Variants in COL21A1 observed in about 807,000 individuals in gnomAD.
COL21A1 encodes collagen type XXI alpha 1 chain, also known as collagen alpha-1(XXI) chain.
A neutral mutation model predicts 137.9 loss-of-function variants in COL21A1; 149 were observed. The ratio of observed to expected loss-of-function variants is 1.08; its 90% CI spans 0.95 to 1.24. The LOEUF is 1.24. Among genes scored for constraint, COL21A1 ranks in the 50% most tolerant of loss-of-function variants. COL21A1 has a pLI of 0.00. For synonymous variants in COL21A1, 456 were observed against 391.5 expected (o/e 1.16, Z -1.95); for missense variants, 1,167 against 1,158.4 (o/e 1.01, Z -0.11).
rs755365741 is a variant in COL21A1 at position 56,196,121 on chromosome 6, G to A, written c.-38-13465C>T. 2.6e-5 allele frequency among the ~76,000 whole-genome samples: 4 copies of A among 152,116 alleles called. No homozygotes were observed. In the South Asian group the frequency reaches 6.2e-4, roughly 24 times the overall value. ...TTAAAAACAAAGAATAAAATTATAC[G>A]ATCATCTAAATACATACCAAAACAA... On this transcript the variant is annotated intron_variant, in intron 1 of 29. Transcript: ENST00000244728.
At chr6:56,090,024 G>A (rs907003532) in intron 17 of COL21A1, among the ~76,000 whole-genome samples, 1 of 152,152 alleles carries the variant, frequency 6.6e-6, no homozygotes, top group African/African-American at 2.4e-5. Context: ...GGCGGATCAT[G>A]ATGTCAAGAG....
At chr6:56,276,146 C>G (rs574332255) in intron 1 of COL21A1, among the ~76,000 whole-genome samples, 2 of 152,158 alleles carry the variant, frequency 1.3e-5, no homozygotes, top group East Asian at 1.9e-4. Flanking sequence ...CATGTTCTCA[C>G]GTATAAGTGG....
chr6:56,118,756 G>C (rs969120495), intron 16 of COL21A1, among the ~76,000 whole-genome samples: 3 of 151,706 alleles, frequency 2.0e-5, no homozygotes, highest in Admixed American at 2.0e-4. Flanking sequence ...TTCATCGCTG[G>C]GATAAAAGAA....
chr6:56,392,458 A>T (rs902047748), intron 1 of COL21A1, among the ~76,000 whole-genome samples: 1 of 152,176 alleles, frequency 6.6e-6, no homozygotes, highest in East Asian at 1.9e-4. Context: ...CATTTTCACT[A>T]CTGTTTTTTC....
chr6:56,273,491 A>C (rs1449087154), intron 1 of COL21A1, among the ~76,000 whole-genome samples: 3 of 152,214 alleles, frequency 2.0e-5, no homozygotes, highest in Admixed American at 2.0e-4. Context: ...TACATCAACA[A>C]AGAAAACAGA....
chr6:56,150,140 T>G (rs1775177998), intron 10 of COL21A1, among the ~76,000 whole-genome samples: 1 of 152,162 alleles, frequency 6.6e-6, no homozygotes, highest in South Asian at 2.1e-4. Flanking sequence ...GACCTCATAT[T>G]AAACCTCATA....
intron 3 of COL21A1, among the ~76,000 whole-genome samples, chr6:56,174,607 G>C (rs1298016058): frequency 6.6e-6 from 1 of 151,852 alleles, no homozygotes; most frequent in Admixed American, 6.6e-5. Context: ...ACTGAAACAT[G>C]AATAAATAGA....
intron 1 of COL21A1, among the ~76,000 whole-genome samples, chr6:56,297,257 G>T (rs534180156): frequency 6.6e-6 from 1 of 152,044 alleles, no homozygotes; most frequent in Non-Finnish European, 1.5e-5. Context: ...GTGAAAACTG[G>T]TTTCTATATT....
At chr6:56,180,519 C>G (rs1777816004) in intron 2 of COL21A1, among the ~76,000 whole-genome samples, 1 of 152,094 alleles carries the variant, frequency 6.6e-6, no homozygotes. Context: ...TACTAACAAT[C>G]TATGGTTAAA....
chr6:56,302,653 C>T (rs1398435105), intron 1 of COL21A1, among the ~76,000 whole-genome samples: 3 of 152,062 alleles, frequency 2.0e-5, no homozygotes, highest in African/African-American at 7.2e-5. Context: ...GAGTAGGTTG[C>T]AAAAATTTTC....
intron 1 of COL21A1, among the ~76,000 whole-genome samples, chr6:56,276,149 A>G (rs865817220): frequency 1.2e-4 from 19 of 152,218 alleles, no homozygotes; most frequent in African/African-American, 3.9e-4. Flanking sequence ...GTTCTCACGT[A>G]TAAGTGGGAG....
chr6:56,306,648 G>A (rs892025603), intron 1 of COL21A1, among the ~76,000 whole-genome samples: 1 of 151,938 alleles, frequency 6.6e-6, no homozygotes, highest in Non-Finnish European at 1.5e-5. Flanking sequence ...TTTTTTCAAG[G>A]TTTTTAACTT....
Position 56,124,269 on chromosome 6 carries a change from A to G in COL21A1, c.1674T>C (p.Asn558=), listed in dbSNP as rs1394825097. 1 of 1,604,688 alleles carries G rather than the reference A, an allele frequency of 6.2e-7. No homozygotes were observed. Among genetic ancestry groups the G allele is most frequent in the African/African-American group, 1.3e-5 (1 of 74,816 alleles). Residue 558 remains asparagine (N), a synonymous_variant, in exon 15 of 30, where the codon AAT becomes AAC. Transcript: ENST00000244728. ...GKKGAKGEKG[N]AGFPGLPGPA... is the part of the protein sequence containing the mutation. ...GTCCAGGGAGGCCAGGGAAGCCAGC[A>G]TTCCCCTTTTCACCTTTTGCACCCT...
chr6:56,187,240 A>T (rs1161926293), intron 1 of COL21A1, among the ~76,000 whole-genome samples: 2 of 152,054 alleles, frequency 1.3e-5, no homozygotes, highest in Non-Finnish European at 2.9e-5. Flanking sequence ...TTATAACAGA[A>T]CTACTTTCCT....
At chr6:56,136,241 T>C (rs1276309842) in intron 12 of COL21A1, among the ~76,000 whole-genome samples, 2 of 152,192 alleles carry the variant, frequency 1.3e-5, no homozygotes, top group African/African-American at 4.8e-5. Context: ...AAATATGTAG[T>C]TTGAGGAGCA....
chr6:56,337,281 T>G (rs747806804), intron 1 of COL21A1, among the ~76,000 whole-genome samples: 32 of 152,306 alleles, frequency 2.1e-4, no homozygotes, highest in Non-Finnish European at 3.7e-4. Flanking sequence ...CAACAGCAAC[T>G]TCTACCATTT....
intron 9 of COL21A1, among the ~76,000 whole-genome samples, chr6:56,163,362 G>C (rs1018032443): frequency 6.6e-6 from 1 of 152,160 alleles, no homozygotes; most frequent in Non-Finnish European, 1.5e-5. Context: ...ACACTTCTTA[G>C]TGTCTTACTT....
At chr6:56,234,366 A>G (rs1272203034) in intron 1 of COL21A1, among the ~76,000 whole-genome samples, 3 of 151,852 alleles carry the variant, frequency 2.0e-5, no homozygotes, top group Non-Finnish European at 4.4e-5. Flanking sequence ...CAAAAGTATT[A>G]AACAGGATCA....
At position 56,157,380 on chromosome 6, in the gene COL21A1, G is replaced by A. The variant is rs533188168; in HGVS notation, c.1372-431C>T. Reference sequence around the variant, plus strand: ...GGCTGCAGTGCAGTGATGCGATCTCGGCTCACTGCAACCTCCACCTTCTGG... The same window carrying A: ...GGCTGCAGTGCAGTGATGCGATCTCAGCTCACTGCAACCTCCACCTTCTGG... On this transcript the variant is annotated intron_variant, in intron 9 of 29. Transcript: ENST00000244728. Among the ~76,000 whole-genome samples, 7 of 148,508 alleles carry A rather than the reference G, an allele frequency of 4.7e-5. No individual in the cohort carries two copies. The East Asian group carries it at 5.9e-4, about 13-fold the overall frequency.
Sources: gnomAD v4.1 joint callset for allele counts (sites outside exome capture counted in the v4.1 genomes callset) on GRCh38, gnomAD v4.1.1 for gene constraint, MANE v1.5 for transcripts, NCBI Gene and HGNC (gene_info 2026-07-23, HGNC 2026-07-21) for gene names.